Variants in SEMA3D observed in about 807,000 individuals in gnomAD.
The protein encoded by SEMA3D is semaphorin 3D, also known as semaphorin-3D.
Under a neutral mutation model 100.1 loss-of-function variants are expected in SEMA3D, and 84 were observed. The observed-to-expected ratio is 0.84, with a 90% CI of 0.70 to 1.01. The LOEUF is 1.01. Among genes scored for constraint, SEMA3D ranks in the 50% least tolerant of loss-of-function variants. The probability of loss-of-function intolerance (pLI) is 0.00; values close to 1 mark genes in which losing one functional copy is unlikely to be tolerated. For synonymous variants in SEMA3D, 312 were observed against 320.7 expected, an observed-to-expected ratio of 0.97 and a Z score of 0.29; for missense variants, 875 against 934.1, an observed-to-expected ratio of 0.94 and a Z score of 0.82.
chr7:85,236,181 G>A, the SEMA3D span, among the ~76,000 whole-genome samples: 1 of 151,900 alleles, frequency 6.6e-6, no homozygotes, highest in Non-Finnish European at 1.5e-5. Context: ...GTTTCCTAGT[G>A]ACACTACCTG....
At chr7:85,142,609 G>A in intron 2 of SEMA3D, 3 of 983,622 alleles carry the variant, frequency 3.0e-6, no homozygotes, top group Non-Finnish European at 3.6e-6. Flanking sequence ...TAAAGGCTTT[G>A]GATATTTGTT....
chr7:85,013,780 C>G (rs1338355863), intron 16 of SEMA3D, among the ~76,000 whole-genome samples: 2 of 151,654 alleles, frequency 1.3e-5, no homozygotes, highest in African/African-American at 4.8e-5. Context: ...GAGATACAGT[C>G]TTGGGAAATA....
chr7:85,031,660 T>TA (rs1000437644), intron 12 of SEMA3D, among the ~76,000 whole-genome samples: 4 of 151,952 alleles, frequency 2.6e-5, no homozygotes, highest in African/African-American at 2.4e-5. Flanking sequence ...AGCATGAACA[T>TA]ATGTTTACCT....
chr7:85,197,018 T>C, the SEMA3D span, among the ~76,000 whole-genome samples: 3 of 132,300 alleles, frequency 2.3e-5, no homozygotes, highest in Non-Finnish European at 4.7e-5. Context: ...GATTTTTTTT[T>C]TAATTTAATC....
intron 18 of SEMA3D, among the ~76,000 whole-genome samples, chr7:85,002,561 C>T (rs1789682567): frequency 6.6e-6 from 1 of 152,154 alleles, no homozygotes; most frequent in Non-Finnish European, 1.5e-5. Flanking sequence ...CAGACTGTAT[C>T]TCAACAGTGA....
chr7:85,026,844 G>A (rs1311919584), intron 12 of SEMA3D, among the ~76,000 whole-genome samples: 3 of 152,006 alleles, frequency 2.0e-5, no homozygotes, highest in Admixed American at 6.6e-5. Context: ...TTTAGGTGGG[G>A]CAGAAAGAGA....
rs1012730957 is a variant in SEMA3D, at chr7:84,997,034, A to C, written c.*2406T>G. 1 of 151,742 alleles carries C rather than the reference A, an allele frequency of 6.6e-6. No homozygotes were observed. Among genetic ancestry groups the C allele is most frequent in the African/African-American group, 2.4e-5 (1 of 41,414 alleles). The allele number at this position is 151,742 out of a possible 1,614,324, so 9.4% of individuals were successfully genotyped here. ...TATTGTGTGAAATTTTATTTTACTA[A>C]TAATATTTTTAATATATTTTAACTA... On this transcript the variant is annotated 3_prime_UTR_variant, in exon 19 of 19. Transcript: ENST00000284136.
At chr7:85,012,725 C>T (rs1789989516) in intron 17 of SEMA3D, 57 bp downstream of exon 17, 5 of 1,299,350 alleles carry the variant, frequency 3.8e-6, no homozygotes, top group Non-Finnish European at 5.6e-6. Flanking sequence ...TAAAAAGATA[C>T]AAAGAGTGGG....
chr7:85,081,609 C>T, intron 4 of SEMA3D, 30 bp from the exon 5 acceptor site: 1 of 1,459,794 alleles, frequency 6.9e-7, no homozygotes, highest in Non-Finnish European at 9.6e-7. Context: ...ATGTTACAAC[C>T]TGAATATCTG....
At chr7:85,219,442 T>C in the SEMA3D span, among the ~76,000 whole-genome samples, 1 of 132,022 alleles carries the variant, frequency 7.6e-6, no homozygotes, top group Non-Finnish European at 1.6e-5. Context: ...TACATTAATA[T>C]AAAATGAAAG....
chr7:85,105,585 G>C (rs775242040), intron 3 of SEMA3D, among the ~76,000 whole-genome samples: 1 of 152,044 alleles, frequency 6.6e-6, no homozygotes, highest in East Asian at 1.9e-4. Flanking sequence ...ACAAAAGACT[G>C]CTTCAAAATT....
chr7:85,063,192 T>C (rs909232965), intron 8 of SEMA3D, among the ~76,000 whole-genome samples: 2 of 152,182 alleles, frequency 1.3e-5, no homozygotes, highest in African/African-American at 4.8e-5. Context: ...ACATTAAAGT[T>C]TGACCAAAGT....
intron 12 of SEMA3D, among the ~76,000 whole-genome samples, chr7:85,034,846 T>C (rs1326927867): frequency 6.6e-6 from 1 of 152,176 alleles, no homozygotes; most frequent in Admixed American, 6.5e-5. Context: ...GTGGGGAAAT[T>C]GGAAGCCTTG....
intron 12 of SEMA3D, chr7:85,029,198 C>A: frequency 1.4e-6 from 1 of 697,234 alleles, no homozygotes; most frequent in Non-Finnish European, 2.7e-6. Context: ...CTCCTGCACA[C>A]CATGGTGCTC....
chr7:85,072,824 G>A (rs1216687437), intron 6 of SEMA3D, 138 bp downstream of exon 6: 5 of 644,886 alleles, frequency 7.8e-6, no homozygotes, highest in Non-Finnish European at 1.3e-5. Context: ...CTGAGTATTG[G>A]CATTACAGGC....
chr7:85,204,189 G>A, the SEMA3D span, among the ~76,000 whole-genome samples: 1 of 151,878 alleles, frequency 6.6e-6, no homozygotes, highest in Non-Finnish European at 1.5e-5. Flanking sequence ...ACTCTTGCTC[G>A]ACCAGAATAG....
chr7:85,081,984 C>G (rs1788077963), intron 4 of SEMA3D, among the ~76,000 whole-genome samples: 1 of 152,172 alleles, frequency 6.6e-6, no homozygotes, highest in African/African-American at 2.4e-5. Context: ...AGAAACAACT[C>G]TCTGTCAGAG....
intron 9 of SEMA3D, among the ~76,000 whole-genome samples, chr7:85,047,483 G>T (rs1324488287): frequency 6.6e-6 from 1 of 151,706 alleles, no homozygotes; most frequent in Non-Finnish European, 1.5e-5. Context: ...TCTGTTAAAC[G>T]TGATTTTATC....
chr7:85,009,959 G>C (rs1482918138), intron 17 of SEMA3D, among the ~76,000 whole-genome samples: 2 of 151,386 alleles, frequency 1.3e-5, no homozygotes, highest in Admixed American at 1.3e-4. Context: ...GAATAAAAAA[G>C]GAATATCTGC....
Sources: allele counts gnomAD v4.1 joint callset (sites outside exome capture counted in the v4.1 genomes callset), GRCh38; gene constraint gnomAD v4.1.1; transcripts MANE v1.5; gene names NCBI Gene and HGNC (gene_info 2026-07-23, HGNC 2026-07-21).